Variants in ADCK2 observed in about 807,000 individuals in gnomAD.
ADCK2 encodes uncharacterized aarF domain-containing protein kinase 2.
In ADCK2, 37 loss-of-function variants were observed where a neutral mutation model predicts 52.3. The ratio of observed to expected loss-of-function variants is 0.71; its 90% CI spans 0.54 to 0.93. The LOEUF is 0.93. Ranked by LOEUF, ADCK2 falls within the 40% of genes least tolerant of loss-of-function variation. ADCK2 has a pLI of 0.00. For synonymous variants in ADCK2, 321 were observed against 349.2 expected, an observed-to-expected ratio of 0.92 and a Z score of 0.90; for missense variants, 695 against 798.7, an observed-to-expected ratio of 0.87 and a Z score of 1.56.
intron 4 of ADCK2, among the ~76,000 whole-genome samples, chr7:140,682,798 T>C (rs1794537317): frequency 7.4e-6 from 1 of 134,594 alleles, no homozygotes; most frequent in South Asian, 2.3e-4. Context: ...GAGACCAGCC[T>C]GAGCAAGATG....
chr7:140,681,921 TC>T (rs1165084102), intron 4 of ADCK2, among the ~76,000 whole-genome samples: 1 of 152,202 alleles, frequency 6.6e-6, no homozygotes, highest in African/African-American at 2.4e-5. Flanking sequence ...ATGCCCGGCC[TC>T]TTAAGTGCTT....
At position 140,686,995 on chromosome 7, in the gene ADCK2, T is replaced by C. The variant is rs1024963564; in HGVS notation, c.1311T>C (p.Phe437=). The C allele has an allele frequency of 6.2e-7, 1 of 1,611,828 alleles. No individual in the cohort carries two copies. The highest frequency in any genetic ancestry group is 1.3e-5 in the African/African-American group (1 of 74,874). ...GCATTGTGATCTCCTTCCAGATATT[T>C]GTGGATAACTTTGTCCATGCAGACC... ...LGINMLLKMI[F]VDNFVHADLH... Residue 437 remains phenylalanine (F), a synonymous_variant, in exon 5 of 8, where the codon TTT becomes TTC. Coordinates refer to ENST00000072869, the MANE Select transcript of ADCK2 (RefSeq NM_052853.4).
At position 140,674,100 on chromosome 7, in the gene ADCK2, T is replaced by C; in HGVS notation, c.770T>C (p.Leu257Pro). ...GGGCTGAGAGAGCTCTTTGGATACC[T>C]TGGAAATGGCCGGAAACCTCCAGAA... ...VGGLRELFGYLGNGRKPPENL... is the reference protein window; with the variant it reads ...VGGLRELFGYPGNGRKPPENL... The change falls in exon 1 of 8, where the codon CTT becomes CCT. Residue 257 changes from leucine to proline, a missense_variant. Transcript: ENST00000072869. The surrounding 1 kb of genome is among the most constrained non-coding windows in gnomAD (Gnocchi z 4.6). 6.2e-7 allele frequency: 1 copy of C among 1,614,136 alleles called. No homozygotes were observed. Among genetic ancestry groups the C allele is most frequent in the South Asian group, 1.1e-5 (1 of 91,070 alleles).
chr7:140,686,272 T>C (rs1347100051), intron 4 of ADCK2, among the ~76,000 whole-genome samples: 1 of 152,100 alleles, frequency 6.6e-6, no homozygotes, highest in African/African-American at 2.4e-5. Context: ...TTTTATTTAT[T>C]TATTTATTTT....
At chr7:140,679,385 TTGTGTC>T in intron 3 of ADCK2, 102 bp downstream of exon 3, 1 of 1,513,044 alleles carries the variant, frequency 6.6e-7, no homozygotes, top group South Asian at 1.2e-5. Flanking sequence ...AGGATGGGAT[TTGTGTC>T]TGTAAAACTG....
At chr7:140,686,168 A>G (rs376219675) in intron 4 of ADCK2, among the ~76,000 whole-genome samples, 8 of 152,368 alleles carry the variant, frequency 5.3e-5, no homozygotes, top group African/African-American at 1.9e-4. Flanking sequence ...AAAATCTTTA[A>G]TAAATAGCTA....
At chr7:140,684,320 G>A (rs1320430227) in intron 4 of ADCK2, among the ~76,000 whole-genome samples, 1 of 152,178 alleles carries the variant, frequency 6.6e-6, no homozygotes, top group Non-Finnish European at 1.5e-5. Flanking sequence ...GGTTAAAGGA[G>A]TGGAAATTCC....
chr7:140,687,981 G>C (rs1794635916), intron 5 of ADCK2, among the ~76,000 whole-genome samples: 1 of 151,452 alleles, frequency 6.6e-6, no homozygotes, highest in Admixed American at 6.6e-5. Flanking sequence ...AGCCTCCTGA[G>C]TAGCTAGGAC....
intron 7 of ADCK2, among the ~76,000 whole-genome samples, chr7:140,694,195 G>A (rs1324522886): frequency 1.3e-5 from 2 of 152,044 alleles, no homozygotes; most frequent in African/African-American, 4.8e-5. Context: ...GAGGCAGAAG[G>A]ATCCCTGAAG....
rs11540284 is a variant in ADCK2, at chr7:140,673,089, G to A, written c.-242G>A. On this transcript the variant is annotated 5_prime_UTR_variant, in exon 1 of 8. Coordinates refer to ENST00000072869, the MANE Select transcript of ADCK2 (RefSeq NM_052853.4). This position sits in a 1 kb window ranked among gnomAD's most constrained non-coding sequence, Gnocchi z 6.4. Reference sequence around the variant, plus strand: ...CGTGGGTCCTGGCTCCTCCCGTTCCGCAGTTGGTGCCGTCTGACAGCCCCT... The same window carrying A: ...CGTGGGTCCTGGCTCCTCCCGTTCCACAGTTGGTGCCGTCTGACAGCCCCT... 16,673 of 257,100 alleles carry A rather than the reference G, an allele frequency of 0.065. 850 individuals are homozygous for A. Among genetic ancestry groups the A allele is most frequent in the Middle Eastern group, 0.1 (83 of 834 alleles). The allele number at this position is 257,100 out of a possible 1,614,324, so 15.9% of individuals were successfully genotyped here. A position where few individuals can be genotyped will look rare whatever the true frequency, so the allele number is the denominator to read the frequency against.
chr7:140,676,898 C>T (rs146801701), intron 2 of ADCK2, among the ~76,000 whole-genome samples: 2 of 152,234 alleles, frequency 1.3e-5, no homozygotes, highest in African/African-American at 2.4e-5. Flanking sequence ...TGGTGCTCAC[C>T]TGTAGTCCCA....
intron 4 of ADCK2, among the ~76,000 whole-genome samples, chr7:140,685,347 G>A (rs1023709828): frequency 5.3e-5 from 8 of 152,162 alleles, no homozygotes; most frequent in African/African-American, 1.9e-4. Flanking sequence ...CTACTTGGGA[G>A]GCTGAGGCAG....
Position 140,674,866 on chromosome 7 carries a change from T to C in ADCK2, c.1080+109T>C. ...ATTTTCTGGTATGTCATAACTCATG[T>C]GATGTGTTAGAGCTGGTAACACTAG... is the stretch of plus-strand genomic sequence containing the variant. On this transcript the variant is annotated intron_variant, in intron 2 of 7. Transcript: ENST00000072869. The surrounding 1 kb of genome is among the most constrained non-coding windows in gnomAD (Gnocchi z 4.6). 7.5e-7 allele frequency: 1 copy of C among 1,327,840 alleles called. No individual in the cohort carries two copies. The highest frequency in any genetic ancestry group is 1.0e-6 in the Non-Finnish European group (1 of 975,008). The allele number at this position is 1,327,840 out of a possible 1,614,324, so 82.3% of individuals were successfully genotyped here. A position where few individuals can be genotyped will look rare whatever the true frequency, so the allele number is the denominator to read the frequency against.
chr7:140,694,556 T>C (rs1360052508), intron 7 of ADCK2, 107 bp from the exon 8 acceptor site: 1 of 1,053,276 alleles, frequency 9.5e-7, no homozygotes, highest in East Asian at 2.5e-5. Context: ...AAACATCCCG[T>C]GGGCAGGTCT....
chr7:140,679,100 G>C, intron 2 of ADCK2, 55 bp from the exon 3 acceptor site: 1 of 1,593,002 alleles, frequency 6.3e-7, no homozygotes, highest in South Asian at 1.1e-5. Flanking sequence ...CATTGCAGAT[G>C]TCACTGTGCC....
At chr7:140,677,772 G>T (rs1165740698) in intron 2 of ADCK2, among the ~76,000 whole-genome samples, 1 of 152,224 alleles carries the variant, frequency 6.6e-6, no homozygotes, top group Non-Finnish European at 1.5e-5. Context: ...CTCAGAGGAG[G>T]ACTTGGTTGG....
At chr7:140,675,669 G>A (rs1358713371) in intron 2 of ADCK2, among the ~76,000 whole-genome samples, 4 of 152,166 alleles carry the variant, frequency 2.6e-5, no homozygotes, top group African/African-American at 7.2e-5. Flanking sequence ...TGTGAGCTTG[G>A]GAAATACAGT....
chr7:140,674,433 T>C lies in ADCK2; in HGVS notation c.933+170T>C, dbSNP rs564013559. 5.5e-6 allele frequency: 6 copies of C among 1,092,830 alleles called. No individual in the cohort carries two copies. The Admixed American group carries it at 1.7e-4, about 31-fold the overall frequency. 67.7% of individuals were successfully genotyped at this position (1,092,830 alleles called of 1,614,324 possible). ...TGGCTTGAAGTGGCGGTGTGAATAG[T>C]CTGATAGAGGAAAATGAACTGAGTC... On this transcript the variant is annotated intron_variant, in intron 1 of 7. Coordinates refer to ENST00000072869, the MANE Select transcript of ADCK2 (RefSeq NM_052853.4). This position sits in a 1 kb window ranked among gnomAD's most constrained non-coding sequence, Gnocchi z 4.6.
chr7:140,690,178 C>T (rs1448379381), intron 6 of ADCK2, among the ~76,000 whole-genome samples: 3 of 152,144 alleles, frequency 2.0e-5, no homozygotes, highest in African/African-American at 7.2e-5. Context: ...CACGCTGGCC[C>T]TGCTGATAGT....
Sources: gnomAD v4.1 joint callset for allele counts (sites outside exome capture counted in the v4.1 genomes callset) on GRCh38, gnomAD v4.1.1 for gene constraint, Gnocchi (gnomAD v3.1) non-coding constraint, MANE v1.5 for transcripts, NCBI Gene and HGNC (gene_info 2026-07-23, HGNC 2026-07-21) for gene names.